The following GRIN3A variants were observed in gnomAD, a reference collection of about 807,000 sequenced individuals.
The protein encoded by GRIN3A is glutamate receptor ionotropic, NMDA 3A.
In GRIN3A, 47 loss-of-function variants were observed where a neutral mutation model predicts 92.4. That is an observed-to-expected ratio of 0.51 (90% CI 0.40 to 0.65). The LOEUF (loss-of-function observed/expected upper bound fraction) is 0.65, where lower values mean the gene tolerates loss of function less well. GRIN3A is among the 30% of genes least tolerant of loss of function. GRIN3A has a pLI of 0.00. For missense variants in GRIN3A, 1,324 were observed against 1,393.1 expected (o/e 0.95, Z 0.79); for synonymous variants, 527 against 540.6 (o/e 0.97, Z 0.35).
chr9:101,694,191 C>T (rs1829653408), intron 1 of GRIN3A, among the ~76,000 whole-genome samples: 1 of 152,150 alleles, frequency 6.6e-6, no homozygotes, highest in Non-Finnish European at 1.5e-5. Flanking sequence ...ATAGAGTATA[C>T]ACAATTAGAA....
At position 101,738,358 on chromosome 9, in the gene GRIN3A, T is replaced by G; in HGVS notation, c.-379A>C. 3.5e-6 allele frequency: 1 copy of G among 284,912 alleles called. No homozygotes were observed. The highest frequency in any genetic ancestry group is 6.6e-6 in the Non-Finnish European group (1 of 151,680). The allele number at this position is 284,912 out of a possible 1,614,324, so 17.6% of individuals were successfully genotyped here. On this transcript the variant is annotated 5_prime_UTR_variant, in exon 1 of 9. Coordinates refer to ENST00000361820, the MANE Select transcript of GRIN3A (RefSeq NM_133445.3). The stretch of plus-strand genomic sequence containing the variant: ...CGGGATGAGAAGCAGCCGGAGTTCC[T>G]CGGGGGCAGCAGTGACAGAGGAGCG...
At chr9:101,668,993 G>A (rs1829278227) in intron 3 of GRIN3A, among the ~76,000 whole-genome samples, 1 of 152,152 alleles carries the variant, frequency 6.6e-6, no homozygotes, top group Admixed American at 6.6e-5. Flanking sequence ...ATTTGGAAAA[G>A]CCTGTGAATG....
chr9:101,686,910 G>A lies in GRIN3A; in HGVS notation c.990C>T (p.Cys330=), dbSNP rs144389302. ...AAATCCGCCGGATACTTTCCATGTC[G>A]CAGCCAAACATCACCACTGTGGGTG... ...NSTPTVVMFG[C]DMESIRRIFE... The change falls in exon 2 of 9, where the codon TGC becomes TGT. Residue 330 remains cysteine, a synonymous_variant. Transcript: ENST00000361820. 1.0e-4 allele frequency: 166 copies of A among 1,614,142 alleles called. No individual in the cohort carries two copies. Among genetic ancestry groups the A allele is most frequent in the Non-Finnish European group, 1.1e-4 (135 of 1,180,030 alleles).
intron 8 of GRIN3A, among the ~76,000 whole-genome samples, chr9:101,577,510 C>T (rs868202833): frequency 2.6e-5 from 4 of 152,158 alleles, no homozygotes; most frequent in African/African-American, 4.8e-5. Flanking sequence ...CAAAGTAACA[C>T]ATATCATAAG....
intron 3 of GRIN3A, among the ~76,000 whole-genome samples, chr9:101,632,185 A>G (rs1185369720): frequency 6.6e-6 from 1 of 152,068 alleles, no homozygotes; most frequent in Non-Finnish European, 1.5e-5. Context: ...CCTCATCCCT[A>G]CTTCTTTGTC....
At position 101,726,506 on chromosome 9, in the gene GRIN3A, A is replaced by G. The variant is rs376460130; in HGVS notation, c.699+10775T>C. Among the ~76,000 whole-genome samples the G allele has an allele frequency of 2.4e-4, 36 of 152,220 alleles. No homozygotes were observed. In the South Asian group the frequency reaches 6.6e-3, roughly 28 times the overall value. Reference sequence around the variant, plus strand: ...ATTTTCCTGTAAGATTTCAGCACAAATTCCCTGCTTTTGAGCTTCATGGTG... The same window carrying G: ...ATTTTCCTGTAAGATTTCAGCACAAGTTCCCTGCTTTTGAGCTTCATGGTG... On this transcript the variant is annotated intron_variant, in intron 1 of 8. Coordinates refer to ENST00000361820, the MANE Select transcript of GRIN3A (RefSeq NM_133445.3).
chr9:101,632,010 C>G (rs543931339), intron 3 of GRIN3A, among the ~76,000 whole-genome samples: 4 of 152,208 alleles, frequency 2.6e-5, no homozygotes, highest in Non-Finnish European at 5.9e-5. Context: ...CTCACATGGC[C>G]TCTAAGGTTC....
rs1829671658 is a variant in GRIN3A at position 101,695,321 on chromosome 9, T to G, written c.700-8121A>C. Reference sequence around the variant, plus strand: ...ACAGTAGTGAAAATAATCAATACGGTCTTTTCTTTCAGGATTTTAAAATCT... The same window carrying G: ...ACAGTAGTGAAAATAATCAATACGGGCTTTTCTTTCAGGATTTTAAAATCT... On this transcript the variant is annotated intron_variant, in intron 1 of 8. Coordinates refer to ENST00000361820, the MANE Select transcript of GRIN3A (RefSeq NM_133445.3). 2.6e-5 allele frequency among the ~76,000 whole-genome samples: 4 copies of G among 152,106 alleles called. No individual in the cohort carries two copies. The South Asian group carries it at 8.3e-4, about 31-fold the overall frequency.
chr9:101,711,809 G>A (rs1232331894), intron 1 of GRIN3A, among the ~76,000 whole-genome samples: 1 of 152,158 alleles, frequency 6.6e-6, no homozygotes. Flanking sequence ...AGAGAGCTAA[G>A]ATAATTAAGG....
chr9:101,616,622 CT>C lies in GRIN3A; in HGVS notation c.2615-3096del, dbSNP rs1430770818. 8.6e-5 allele frequency among the ~76,000 whole-genome samples: 13 copies of C among 151,220 alleles called. No individual in the cohort carries two copies. The East Asian group carries it at 2.5e-3, about 30-fold the overall frequency. ...TTATACACACATCTCAAGCCTTTTT[CT>C]TTTAAAGAAAAAGATTGTGTATCTG... On this transcript the variant is annotated intron_variant, in intron 5 of 8. Transcript: ENST00000361820.
In GRIN3A at chr9:101,708,640, A is replaced by G. The variant is rs531409189; in HGVS notation, c.700-21440T>C. ...GTATGGTAATGGGTCATTTTGGCTA[A>G]GAGATCCAGAATTAAATTTATCATC... is the stretch of plus-strand genomic sequence containing the variant. On this transcript the variant is annotated intron_variant, in intron 1 of 8. Transcript: ENST00000361820. 2.6e-5 allele frequency among the ~76,000 whole-genome samples: 4 copies of G among 152,302 alleles called. No homozygotes were observed. In the South Asian group the frequency reaches 6.2e-4, roughly 24 times the overall value.
intron 6 of GRIN3A, among the ~76,000 whole-genome samples, chr9:101,590,346 CTATTTATTTATTTATTT>C (rs1828006093): frequency 7.0e-6 from 1 of 143,416 alleles, no homozygotes; most frequent in African/African-American, 2.6e-5. Flanking sequence ...TAATGACACT[CTATTTATTTATTTATTT>C]ATTTATTTAT....
chr9:101,639,494 A>G (rs904626102), intron 3 of GRIN3A, among the ~76,000 whole-genome samples: 6 of 152,188 alleles, frequency 3.9e-5, no homozygotes, highest in African/African-American at 1.2e-4. Flanking sequence ...ATCATTGCCC[A>G]TCACCAGCTG....
intron 1 of GRIN3A, among the ~76,000 whole-genome samples, chr9:101,709,502 AGCTCAC>A (rs912244847): frequency 6.6e-6 from 1 of 152,206 alleles, no homozygotes; most frequent in Non-Finnish European, 1.5e-5. Context: ...ATGTTGTAGC[AGCTCAC>A]GCTGCCGTCT....
chr9:101,685,249 C>CAT (rs71356377), intron 2 of GRIN3A, among the ~76,000 whole-genome samples: 90 of 149,476 alleles, frequency 6.0e-4, no homozygotes, highest in African/African-American at 1.8e-3. Context: ...TTTATACATA[C>CAT]ATATATATAT....
At chr9:101,725,081 C>A (rs1830068344) in intron 1 of GRIN3A, among the ~76,000 whole-genome samples, 1 of 152,138 alleles carries the variant, frequency 6.6e-6, no homozygotes, top group South Asian at 2.1e-4. Context: ...GCACACCCCA[C>A]TCCAATTTTG....
chr9:101,634,005 T>C (rs2118888485), intron 3 of GRIN3A, among the ~76,000 whole-genome samples: 1 of 152,164 alleles, frequency 6.6e-6, no homozygotes, highest in African/African-American at 2.4e-5. Context: ...GTTACGCTGT[T>C]ACTTCTCTGC....
At chr9:101,705,990 T>C (rs763681553) in intron 1 of GRIN3A, among the ~76,000 whole-genome samples, 2 of 152,124 alleles carry the variant, frequency 1.3e-5, no homozygotes, top group Non-Finnish European at 2.9e-5. Context: ...CTGGTGAGAC[T>C]GTTAAAAAAA....
intron 1 of GRIN3A, among the ~76,000 whole-genome samples, chr9:101,703,829 T>C (rs538859370): frequency 8.0e-4 from 122 of 152,276 alleles, no homozygotes; most frequent in African/African-American, 2.7e-3. Flanking sequence ...TTGGCTGACC[T>C]GTAGAAATCT....
Sources: gnomAD v4.1 joint callset for allele counts (sites outside exome capture counted in the v4.1 genomes callset) on GRCh38, gnomAD v4.1.1 for gene constraint, MANE v1.5 for transcripts, NCBI Gene and HGNC (gene_info 2026-07-23, HGNC 2026-07-21) for gene names.